The following EEFSEC variants were observed in gnomAD, a reference collection of about 807,000 sequenced individuals.
EEFSEC encodes the protein eukaryotic elongation factor, selenocysteine-tRNA specific, also known as selenocysteine-specific elongation factor.
EEFSEC carries 43 observed loss-of-function variants against 42.1 expected under a neutral mutation model. The observed-to-expected ratio is 1.02, with a 90% confidence interval of 0.80 to 1.32. EEFSEC has a LOEUF of 1.32. Among genes scored for constraint, EEFSEC ranks in the 40% most tolerant of loss-of-function variants. EEFSEC has a pLI of 0.00. For synonymous variants in EEFSEC, 354 were observed against 339.1 expected (o/e 1.04, Z -0.48); for missense variants, 745 against 803.6 (o/e 0.93, Z 0.88).
chr3:128,305,156 T>C (rs2811393), intron 4 of EEFSEC, among the ~76,000 whole-genome samples: 125,563 of 152,050 alleles, frequency 0.83, 52,592 homozygotes, highest in East Asian at 0.99. Context: ...TTTGGAAAAA[T>C]CTTCATGGCG....
intron 6 of EEFSEC, among the ~76,000 whole-genome samples, chr3:128,405,648 T>C (rs1298324275): frequency 6.6e-6 from 1 of 152,252 alleles, no homozygotes; most frequent in African/African-American, 2.4e-5. Context: ...CCCTCCGGAC[T>C]GAAGCTTGAT....
chr3:128,426,034 T>C, the EEFSEC span, among the ~76,000 whole-genome samples: 2 of 152,172 alleles, frequency 1.3e-5, no homozygotes, highest in African/African-American at 4.8e-5. Flanking sequence ...CTAGAAACCT[T>C]ACAGTCATCC....
intron 1 of EEFSEC, among the ~76,000 whole-genome samples, chr3:128,180,731 C>T (rs972730626): frequency 6.6e-6 from 1 of 152,192 alleles, no homozygotes; most frequent in East Asian, 1.9e-4. Context: ...GCAGCAGGTC[C>T]AGAGCCAGCA....
At chr3:128,216,572 G>T (rs540620512) in intron 1 of EEFSEC, among the ~76,000 whole-genome samples, 2 of 152,294 alleles carry the variant, frequency 1.3e-5, no homozygotes, top group East Asian at 3.9e-4. Context: ...CTGCCCCTCT[G>T]CCCCTCGACC....
intron 1 of EEFSEC, among the ~76,000 whole-genome samples, chr3:128,190,958 T>C (rs996520014): frequency 1.3e-5 from 2 of 151,946 alleles, no homozygotes; most frequent in African/African-American, 2.4e-5. Flanking sequence ...ATATATAACA[T>C]TTACCATTCC....
rs372262551 is a variant in EEFSEC, at chr3:128,165,852, C to T, written c.316+12029C>T. Among the ~76,000 whole-genome samples the T allele has an allele frequency of 9.1e-4, 138 of 152,318 alleles. 2 individuals carry two copies. In the South Asian group the frequency reaches 0.027, roughly 30 times the overall value. ...GATTTATTTGGGTTGCTTAGAGCTC[C>T]AGAGGGTCAGTGGCTTGTCCTTGGT... On this transcript the variant is annotated intron_variant, in intron 1 of 6. Coordinates refer to ENST00000254730, the MANE Select transcript of EEFSEC (RefSeq NM_021937.5).
At chr3:128,422,803 G>T in the EEFSEC span, among the ~76,000 whole-genome samples, 1 of 152,220 alleles carries the variant, frequency 6.6e-6, no homozygotes, top group African/African-American at 2.4e-5. Context: ...CTACCCCAGG[G>T]ACAGCCAGCC....
At chr3:128,231,094 C>T (rs776587980) in intron 1 of EEFSEC, among the ~76,000 whole-genome samples, 6 of 152,054 alleles carry the variant, frequency 3.9e-5, no homozygotes, top group Non-Finnish European at 8.8e-5. Flanking sequence ...CTCCTGTCTT[C>T]CCTCGCCTCC....
At chr3:128,403,196 C>T (rs6780368) in intron 6 of EEFSEC, among the ~76,000 whole-genome samples, 22,528 of 152,154 alleles carry the variant, frequency 0.15, 1,786 homozygotes, top group Admixed American at 0.2. Flanking sequence ...GACAGGGGCC[C>T]CGAGGCAGAG....
intron 1 of EEFSEC, among the ~76,000 whole-genome samples, chr3:128,231,159 T>G (rs913898098): frequency 1.1e-4 from 16 of 152,100 alleles, no homozygotes; most frequent in African/African-American, 3.6e-4. Context: ...TGTGTCTAAC[T>G]TTCCAAGCCT....
At chr3:128,268,881 A>G (rs562990706) in intron 4 of EEFSEC, among the ~76,000 whole-genome samples, 1 of 152,288 alleles carries the variant, frequency 6.6e-6, no homozygotes, top group South Asian at 2.1e-4. Context: ...TTGTTTTAAG[A>G]TATCAAATTT....
At chr3:128,210,642 A>G (rs984742407) in intron 1 of EEFSEC, among the ~76,000 whole-genome samples, 6 of 152,226 alleles carry the variant, frequency 3.9e-5, no homozygotes, top group Admixed American at 3.9e-4. Context: ...TAGCTTCCCA[A>G]TTACATCTCT....
intron 4 of EEFSEC, among the ~76,000 whole-genome samples, chr3:128,316,692 A>G (rs941330098): frequency 3.9e-5 from 6 of 152,186 alleles, no homozygotes; most frequent in Non-Finnish European, 7.4e-5. Context: ...AGCTCAGCAC[A>G]GAGGACCTGG....
intron 2 of EEFSEC, among the ~76,000 whole-genome samples, chr3:128,258,146 C>G (rs2066261604): frequency 6.6e-6 from 1 of 152,112 alleles, no homozygotes; most frequent in Non-Finnish European, 1.5e-5. Context: ...GCAGGTCAAC[C>G]CTGAGAGAGG....
At chr3:128,206,272 T>C (rs2065695554) in intron 1 of EEFSEC, among the ~76,000 whole-genome samples, 1 of 152,232 alleles carries the variant, frequency 6.6e-6, no homozygotes, top group Non-Finnish European at 1.5e-5. Flanking sequence ...AACCCTGTGT[T>C]AGAATTCTCC....
chr3:128,317,196 G>A lies in EEFSEC; in HGVS notation c.787-24037G>A, dbSNP rs1442393214. 1.3e-5 allele frequency among the ~76,000 whole-genome samples: 2 copies of A among 152,134 alleles called. No individual in the cohort carries two copies. The highest frequency in any genetic ancestry group is 2.4e-5 in the African/African-American group (1 of 41,434). ...AGCAAGGGCCCCGCAGAAGCAGTGC[G>A]TGCTGCTGGCTGGGGGACGACAGCC... On this transcript the variant is annotated intron_variant, in intron 4 of 6. Transcript: ENST00000254730. The surrounding 1 kb of genome is among the most constrained non-coding windows in gnomAD (Gnocchi z 4.1).
chr3:128,300,231 A>G (rs978821314), intron 4 of EEFSEC, among the ~76,000 whole-genome samples: 13 of 152,120 alleles, frequency 8.5e-5, no homozygotes, highest in African/African-American at 2.9e-4. Context: ...TTCATCTCCC[A>G]TTCTTGACTC....
intron 6 of EEFSEC, 79 bp from the exon 7 acceptor site, chr3:128,407,990 A>G: frequency 7.4e-7 from 1 of 1,357,680 alleles, no homozygotes; most frequent in Non-Finnish European, 9.9e-7. Flanking sequence ...GGGTGAGTCT[A>G]GGCAGCAGGT....
At chr3:128,179,955 T>G (rs2065388376) in intron 1 of EEFSEC, among the ~76,000 whole-genome samples, 3 of 152,178 alleles carry the variant, frequency 2.0e-5, no homozygotes, top group Admixed American at 2.0e-4. Flanking sequence ...TTGTTTGAGA[T>G]TCATGTTTGT....
Sources: gnomAD v4.1 joint callset for allele counts (sites outside exome capture counted in the v4.1 genomes callset) on GRCh38, gnomAD v4.1.1 for gene constraint, Gnocchi (gnomAD v3.1) non-coding constraint, MANE v1.5 for transcripts, NCBI Gene and HGNC (gene_info 2026-07-23, HGNC 2026-07-21) for gene names.